Variants in RBFOX1 observed in about 807,000 individuals in gnomAD.
The protein encoded by RBFOX1 is RNA binding protein fox-1 homolog 1.
A neutral mutation model predicts 57.7 loss-of-function variants in RBFOX1; 8 were observed. That is an observed-to-expected ratio of 0.14 (90% CI 0.08 to 0.25). RBFOX1 has a LOEUF of 0.25. Ranked by LOEUF, RBFOX1 falls within the 10% of genes least tolerant of loss-of-function variation. The pLI, the probability that RBFOX1 is intolerant of heterozygous loss-of-function variation, is 1.00. For synonymous variants in RBFOX1, 326 were observed against 222.4 expected, an observed-to-expected ratio of 1.47 and a Z score of -4.15; for missense variants, 611 against 548.5, an observed-to-expected ratio of 1.11 and a Z score of -1.14.
intron 1 of RBFOX1, among the ~76,000 whole-genome samples, chr16:6,095,127 A>G (rs926084302): frequency 2.0e-5 from 3 of 152,212 alleles, no homozygotes; most frequent in Non-Finnish European, 1.5e-5. Context: ...CCTAATAAGT[A>G]TGGGCCCATA....
chr16:6,244,188 AT>A (rs796777268), intron 1 of RBFOX1, among the ~76,000 whole-genome samples: 1,820 of 143,218 alleles, frequency 0.013, 12 homozygotes, highest in African/African-American at 0.024. Flanking sequence ...CACTGTCAAC[AT>A]TTTTTTTTTT....
chr16:5,777,497 T>A (rs1482397112), intron 3 of RBFOX1, among the ~76,000 whole-genome samples: 1 of 152,206 alleles, frequency 6.6e-6, no homozygotes, highest in Non-Finnish European at 1.5e-5. Context: ...GTGAGAGTAT[T>A]TCTTGGAGTT....
intron 4 of RBFOX1, among the ~76,000 whole-genome samples, chr16:7,120,694 GA>G (rs35456614): frequency 0.29 from 39,319 of 135,864 alleles, 5,327 homozygotes; most frequent in East Asian, 0.4. Flanking sequence ...TTAATGTTGG[GA>G]AAAAAAAAAA....
intron 3 of RBFOX1, among the ~76,000 whole-genome samples, chr16:5,709,108 G>A (rs141143068): frequency 1.3e-4 from 20 of 152,284 alleles, no homozygotes; most frequent in Non-Finnish European, 2.4e-4. Flanking sequence ...CCTTGCTAAT[G>A]TTGAGTTTCT....
chr16:7,358,149 A>G (rs1188161793), intron 4 of RBFOX1, among the ~76,000 whole-genome samples: 2 of 152,220 alleles, frequency 1.3e-5, no homozygotes, highest in Non-Finnish European at 2.9e-5. Flanking sequence ...CAGAAAATAA[A>G]TTGTGTATCT....
chr16:5,486,693 C>T (rs1322518382), intron 2 of RBFOX1, among the ~76,000 whole-genome samples: 1 of 152,168 alleles, frequency 6.6e-6, no homozygotes, highest in Non-Finnish European at 1.5e-5. Flanking sequence ...GAATGCAAGT[C>T]TACTTGAATC....
At chr16:5,567,819 C>T (rs1376178335) in intron 2 of RBFOX1, among the ~76,000 whole-genome samples, 1 of 152,134 alleles carries the variant, frequency 6.6e-6, no homozygotes, top group Non-Finnish European at 1.5e-5. Context: ...CCAAGCACGT[C>T]CTGATCATTA....
At chr16:7,207,064 C>G (rs543551235) in intron 4 of RBFOX1, among the ~76,000 whole-genome samples, 3 of 152,188 alleles carry the variant, frequency 2.0e-5, no homozygotes, top group Non-Finnish European at 4.4e-5. Flanking sequence ...AAATACCCTA[C>G]AGATGTGTAG....
intron 3 of RBFOX1, among the ~76,000 whole-genome samples, chr16:6,786,595 G>T (rs1454247991): frequency 6.6e-6 from 1 of 152,154 alleles, no homozygotes; most frequent in Non-Finnish European, 1.5e-5. Flanking sequence ...TAAGGACAAA[G>T]CTGGTTCCCC....
At chr16:6,985,917 A>C (rs1229257018) in intron 3 of RBFOX1, among the ~76,000 whole-genome samples, 2 of 150,180 alleles carry the variant, frequency 1.3e-5, no homozygotes, top group East Asian at 3.9e-4. Flanking sequence ...TTAATCTGCA[A>C]ATGAATGTGA....
At chr16:7,636,045 C>G (rs1222782786) in intron 11 of RBFOX1, among the ~76,000 whole-genome samples, 1 of 152,214 alleles carries the variant, frequency 6.6e-6, no homozygotes, top group Non-Finnish European at 1.5e-5. Context: ...CTCCTGACCT[C>G]GTGATCCACC....
intron 1 of RBFOX1, among the ~76,000 whole-genome samples, chr16:5,314,925 A>AT (rs910367495): frequency 2.6e-5 from 4 of 152,076 alleles, no homozygotes; most frequent in Middle Eastern, 3.4e-3. Context: ...ACCGTTTTGA[A>AT]TTTTTTTTAA....
At chr16:5,736,591 A>T (rs1014778080) in intron 3 of RBFOX1, among the ~76,000 whole-genome samples, 1 of 152,136 alleles carries the variant, frequency 6.6e-6, no homozygotes, top group Non-Finnish European at 1.5e-5. Context: ...TGAAGAGTTG[A>T]ACATGAAGTG....
At chr16:5,417,418 A>G (rs1040091575) in intron 1 of RBFOX1, among the ~76,000 whole-genome samples, 25 of 152,346 alleles carry the variant, frequency 1.6e-4, no homozygotes, top group African/African-American at 5.0e-4. Context: ...GAGGGAGTAG[A>G]AAGCACATTT....
At chr16:5,664,605 T>G (rs75844152) in intron 3 of RBFOX1, among the ~76,000 whole-genome samples, 1 of 152,148 alleles carries the variant, frequency 6.6e-6, no homozygotes, top group Non-Finnish European at 1.5e-5. Context: ...GACCCAGTAA[T>G]CTGATATGCA....
At chr16:6,784,553 A>T (rs549342226) in intron 3 of RBFOX1, among the ~76,000 whole-genome samples, 91 of 152,288 alleles carry the variant, frequency 6.0e-4, no homozygotes, top group Non-Finnish European at 1.2e-3. Context: ...TTTTCTCAAG[A>T]CAACCATTTT....
chr16:6,266,447 C>T (rs1289387360), intron 1 of RBFOX1, among the ~76,000 whole-genome samples: 1 of 152,176 alleles, frequency 6.6e-6, no homozygotes, highest in Non-Finnish European at 1.5e-5. Flanking sequence ...GACACAATTG[C>T]TCACGCCTGT....
At chr16:7,256,446 T>C (rs1233241484) in intron 4 of RBFOX1, among the ~76,000 whole-genome samples, 1 of 152,220 alleles carries the variant, frequency 6.6e-6, no homozygotes, top group Non-Finnish European at 1.5e-5. Flanking sequence ...CTCAATCTTT[T>C]ATGGCATTAT....
chr16:5,357,746 G>T (rs192078990), intron 1 of RBFOX1, among the ~76,000 whole-genome samples: 111 of 152,326 alleles, frequency 7.3e-4, no homozygotes, highest in African/African-American at 2.5e-3. Context: ...CAACTGTTCT[G>T]TTAGTCAGAA....
Sources: gnomAD v4.1 joint callset for allele counts (sites outside exome capture counted in the v4.1 genomes callset) on GRCh38, gnomAD v4.1.1 for gene constraint, MANE v1.5 for transcripts, NCBI Gene and HGNC (gene_info 2026-07-23, HGNC 2026-07-21) for gene names.